Variants in LRP5 observed in about 807,000 individuals in gnomAD.
LRP5 encodes low-density lipoprotein receptor-related protein 5.
A neutral mutation model predicts 154.1 loss-of-function variants in LRP5; 62 were observed. The observed-to-expected ratio is 0.40, with a 90% CI of 0.33 to 0.50. The LOEUF (loss-of-function observed/expected upper bound fraction) is 0.50. Among genes scored for constraint, LRP5 ranks in the 20% least tolerant of loss-of-function variants. The probability of loss-of-function intolerance (pLI) is 0.55; values close to 1 mark genes in which losing one functional copy is unlikely to be tolerated. For missense variants in LRP5, 1,915 were observed against 2,336.7 expected (o/e 0.82, Z 3.72); for synonymous variants, 966 against 1,011.5 (o/e 0.96, Z 0.85).
At chr11:68,309,232 C>CT (rs201481289), upstream of LRP5, among the ~76,000 whole-genome samples, 14,838 of 143,310 alleles carry the variant, frequency 0.1, 817 homozygotes, top group Middle Eastern at 0.17. Flanking sequence ...CTCATCTGGC[C>CT]TTTTTTTTCT....
intron 9 of LRP5, among the ~76,000 whole-genome samples, chr11:68,409,513 T>C (rs1252584441): frequency 6.6e-6 from 1 of 151,926 alleles, no homozygotes; most frequent in African/African-American, 2.4e-5. Context: ...GTTCAGTAGC[T>C]GCTGCCAGTG....
chr11:68,421,709 T>A (rs1439438079), intron 13 of LRP5, among the ~76,000 whole-genome samples: 1 of 149,552 alleles, frequency 6.7e-6, no homozygotes, highest in Non-Finnish European at 1.5e-5. Flanking sequence ...TGTGTGTGTG[T>A]GTGTGTGTGT....
chr11:68,382,655 T>G (rs1048500997), intron 5 of LRP5, among the ~76,000 whole-genome samples: 1 of 152,082 alleles, frequency 6.6e-6, no homozygotes, highest in Non-Finnish European at 1.5e-5. Flanking sequence ...GGTGGGATGA[T>G]GAAGGCAGCC....
At chr11:68,432,129 C>T (rs1317490739) in intron 17 of LRP5, among the ~76,000 whole-genome samples, 6 of 152,162 alleles carry the variant, frequency 3.9e-5, no homozygotes, top group South Asian at 2.1e-4. Context: ...GAGCCGGGCG[C>T]GCCCCTGGCT....
chr11:68,393,113 G>T (rs7940269), intron 7 of LRP5, among the ~76,000 whole-genome samples: 7,285 of 150,926 alleles, frequency 0.048, 586 homozygotes, highest in African/African-American at 0.17. Context: ...CTGGACAACA[G>T]AGCAAGACCC....
In LRP5 at chr11:68,406,798, A is replaced by G. The variant is rs1591288896; in HGVS notation, c.2076A>G (p.Thr692=). The change falls in exon 9 of 23, where the codon ACA becomes ACG. Residue 692 remains threonine (T), a synonymous_variant. Transcript: ENST00000294304. ...TGTCCAACAACCACATCTACTGGAC[A>G]GACGTCAGCCTGAAGGTAGCGTGGG... The part of the protein sequence containing the change: ...FDVSNNHIYW[T]DVSLKTISRA... The G allele has an allele frequency of 5.6e-6, 9 of 1,614,014 alleles. No homozygotes were observed. The highest frequency in any genetic ancestry group is 7.6e-6 in the Non-Finnish European group (9 of 1,180,002).
intron 5 of LRP5, among the ~76,000 whole-genome samples, chr11:68,371,765 C>T (rs542350015): frequency 4.6e-5 from 7 of 152,380 alleles, no homozygotes; most frequent in Admixed American, 1.3e-4. Flanking sequence ...GCTGACAGCA[C>T]GGCTGTGAGG....
intron 13 of LRP5, among the ~76,000 whole-genome samples, chr11:68,421,072 A>G (rs1484331849): frequency 6.6e-6 from 1 of 151,912 alleles, no homozygotes; most frequent in Non-Finnish European, 1.5e-5. Flanking sequence ...TAAAAATACC[A>G]AAAAACTAGC....
chr11:68,371,375 T>C (rs959469444), intron 5 of LRP5, among the ~76,000 whole-genome samples: 1 of 152,066 alleles, frequency 6.6e-6, no homozygotes, highest in Non-Finnish European at 1.5e-5. Flanking sequence ...AGCTGGTGAG[T>C]CAGAGCCGGA....
intron 9 of LRP5, among the ~76,000 whole-genome samples, chr11:68,407,686 CAA>C (rs57876439): frequency 6.7e-5 from 10 of 148,560 alleles, no homozygotes; most frequent in Non-Finnish European, 8.9e-5. Context: ...ACTAAAAATA[CAA>C]AAAAAAAAAT....
chr11:68,313,423 C>A (rs960367103), intron 1 of LRP5, among the ~76,000 whole-genome samples: 1 of 152,130 alleles, frequency 6.6e-6, no homozygotes, highest in Non-Finnish European at 1.5e-5. Flanking sequence ...AGTGTCCATC[C>A]CCGGGTCGGC....
Position 68,445,342 on chromosome 11 carries a change from C to T in LRP5, c.4489-1094C>T, listed in dbSNP as rs979544805. On this transcript the variant is annotated intron_variant, in intron 21 of 22. Coordinates refer to ENST00000294304, the MANE Select transcript of LRP5 (RefSeq NM_002335.4). Reference sequence around the variant, plus strand: ...CTCGAACTCCTGACCTCAAGTGATCCGCCCGCCTCGGCCTCCCAAAGTGCT... The same window carrying T: ...CTCGAACTCCTGACCTCAAGTGATCTGCCCGCCTCGGCCTCCCAAAGTGCT... 9.9e-5 allele frequency among the ~76,000 whole-genome samples: 15 copies of T among 152,230 alleles called. No individual in the cohort carries two copies. The South Asian group carries it at 2.5e-3, about 25-fold the overall frequency.
intron 13 of LRP5, among the ~76,000 whole-genome samples, chr11:68,418,182 G>C (rs1370165065): frequency 6.6e-6 from 1 of 151,490 alleles, no homozygotes; most frequent in African/African-American, 2.4e-5. Context: ...CGAAGTGGGT[G>C]GATCACGAGG....
At chr11:68,384,385 C>A (rs570115808) in intron 5 of LRP5, among the ~76,000 whole-genome samples, 2 of 152,272 alleles carry the variant, frequency 1.3e-5, no homozygotes, top group South Asian at 4.1e-4. Context: ...CAGCCCCGGG[C>A]CCCTTTGCAG....
intron 22 of LRP5, 32 bp downstream of exon 22, chr11:68,446,565 T>G (rs200311366): frequency 8.3e-6 from 13 of 1,571,734 alleles, no homozygotes; most frequent in Non-Finnish European, 1.1e-5. Context: ...TCCATGGCCA[T>G]TGGGTTCCCG....
At chr11:68,300,305 G>C in the LRP5 span, among the ~76,000 whole-genome samples, 46 of 149,282 alleles carry the variant, frequency 3.1e-4, no homozygotes, top group African/African-American at 1.1e-3. Context: ...GCCTGGAGGA[G>C]GACAAGGGAG....
intron 13 of LRP5, among the ~76,000 whole-genome samples, chr11:68,422,039 C>T (rs893788629): frequency 1.3e-5 from 2 of 152,108 alleles, no homozygotes; most frequent in Non-Finnish European, 2.9e-5. Flanking sequence ...GCGATCCTCC[C>T]ACCTCAGCCT....
chr11:68,350,023 A>T (rs1207339111), intron 2 of LRP5, among the ~76,000 whole-genome samples: 2 of 152,048 alleles, frequency 1.3e-5, no homozygotes, highest in Non-Finnish European at 1.5e-5. Flanking sequence ...ATTCAGTGTC[A>T]CCACAGTCTC....
At chr11:68,436,133 G>A (rs2098674745) in intron 18 of LRP5, among the ~76,000 whole-genome samples, 1 of 152,220 alleles carries the variant, frequency 6.6e-6, no homozygotes, top group African/African-American at 2.4e-5. Flanking sequence ...CTGGTGGCAG[G>A]CCCTTACGCC....
Sources: allele counts gnomAD v4.1 joint callset (sites outside exome capture counted in the v4.1 genomes callset), GRCh38; gene constraint gnomAD v4.1.1; transcripts MANE v1.5; gene names NCBI Gene and HGNC (gene_info 2026-07-23, HGNC 2026-07-21).